Variants in LPP observed in about 807,000 individuals in gnomAD.
LPP encodes LIM domain containing preferred translocation partner in lipoma, also known as lipoma-preferred partner.
LPP carries 38 observed loss-of-function variants against 60.4 expected under a neutral mutation model. The observed-to-expected ratio is 0.63, with a 90% CI of 0.49 to 0.83. The LOEUF (loss-of-function observed/expected upper bound fraction) is 0.83. LPP is among the 40% of genes least tolerant of loss of function. The pLI is 0.00. For synonymous variants in LPP, 328 were observed against 290.8 expected (o/e 1.13, Z -1.30); for missense variants, 902 against 783.6 (o/e 1.15, Z -1.80).
In LPP at chr3:188,880,015, G is replaced by A. The variant is rs1222147213; in HGVS notation, c.*5536G>A. On this transcript the variant is annotated 3_prime_UTR_variant, in exon 12 of 12. Transcript: ENST00000617246. ...TTTTGTGGAGAGCTGTGTGAAAGAT[G>A]CGTTTTTTTTCTTTTTTTCTTTTTT... 1 of 173,898 alleles carries A rather than the reference G, an allele frequency of 5.8e-6. No homozygotes were observed. Among genetic ancestry groups the A allele is most frequent in the Non-Finnish European group, 1.2e-5 (1 of 81,706 alleles). 10.8% of individuals were successfully genotyped at this position (173,898 alleles called of 1,614,324 possible).
chr3:188,604,323 C>T (rs776765845), intron 6 of LPP, among the ~76,000 whole-genome samples: 8 of 152,058 alleles, frequency 5.3e-5, no homozygotes, highest in Non-Finnish European at 1.0e-4. Context: ...TGTTTTAGTA[C>T]ATGTTGTTAA....
chr3:188,493,084 CA>C (rs1808874902), intron 5 of LPP, among the ~76,000 whole-genome samples: 1 of 152,078 alleles, frequency 6.6e-6, no homozygotes, highest in South Asian at 2.1e-4. Context: ...CATAGTACTT[CA>C]TTAAGTAATT....
chr3:188,737,031 A>G (rs1722765662), intron 8 of LPP, among the ~76,000 whole-genome samples: 1 of 151,018 alleles, frequency 6.6e-6, no homozygotes, highest in South Asian at 2.1e-4. Flanking sequence ...AAATGGGTAG[A>G]ATTTCTTTTT....
chr3:188,813,127 A>G (rs1036169015), intron 9 of LPP, among the ~76,000 whole-genome samples: 3 of 152,202 alleles, frequency 2.0e-5, no homozygotes, highest in African/African-American at 7.2e-5. Context: ...TGCTAGACAG[A>G]CACATATAGA....
chr3:188,479,697 C>T (rs1045358844), intron 4 of LPP, among the ~76,000 whole-genome samples: 2 of 152,178 alleles, frequency 1.3e-5, no homozygotes, highest in Non-Finnish European at 2.9e-5. Context: ...TCAAGTATTA[C>T]AGATGCTCTG....
chr3:188,175,756 C>A (rs1439972013), intron 1 of LPP, among the ~76,000 whole-genome samples: 1 of 152,140 alleles, frequency 6.6e-6, no homozygotes, highest in South Asian at 2.1e-4. Flanking sequence ...ACTGACTTGC[C>A]TCAGGAGTAA....
At chr3:188,754,938 G>C (rs1729645357) in intron 8 of LPP, among the ~76,000 whole-genome samples, 1 of 152,178 alleles carries the variant, frequency 6.6e-6, no homozygotes, top group Non-Finnish European at 1.5e-5. Flanking sequence ...AATGGAAACT[G>C]TGCTTCAGGA....
intron 4 of LPP, among the ~76,000 whole-genome samples, chr3:188,432,320 A>ACCG (rs2149163374): frequency 6.6e-6 from 1 of 152,304 alleles, no homozygotes; most frequent in Admixed American, 6.5e-5. Context: ...GTACTGAGCT[A>ACCG]CCGATATCTA....
rs1246466130 is a variant in LPP, at chr3:188,676,124, T to TA, written c.1114-32135dup. 1.3e-3 allele frequency among the ~76,000 whole-genome samples: 192 copies of TA among 152,064 alleles called. 3 individuals are homozygous for TA. The highest frequency in any genetic ancestry group is 4.2e-3 in the African/African-American group (175 of 41,494). On this transcript the variant is annotated intron_variant, in intron 7 of 11. Coordinates refer to ENST00000617246, the MANE Select transcript of LPP (RefSeq NM_001375462.1). ...AATATTAGAAAAGTGAAAACGTTTT[T>TA]AAAAAAAATAGGTAGCAGTCACCAC...
At chr3:188,539,024 A>G (rs1824421649) in intron 6 of LPP, among the ~76,000 whole-genome samples, 1 of 152,184 alleles carries the variant, frequency 6.6e-6, no homozygotes, top group Admixed American at 6.5e-5. Context: ...AGGGGACAAT[A>G]CAGAGTGGCT....
At chr3:188,410,202 G>A (rs927072748) in intron 4 of LPP, among the ~76,000 whole-genome samples, 5 of 152,166 alleles carry the variant, frequency 3.3e-5, no homozygotes, top group African/African-American at 1.2e-4. Context: ...AATTGATAAA[G>A]CACAGTAATA....
Position 188,592,563 on chromosome 3 carries a change from T to TTTTTTTTTTTTTTTTGG in LPP, c.430-16598_430-16597insTTTTTTTTTTTTTTTGG. ...TGTTTTTAGTTTTGTTTTTGTTTTT[T>TTTTTTTTTTTTTTTTGG]AAATGGAGTCTCACTCTTTCTCCCA... On this transcript the variant is annotated intron_variant, in intron 6 of 11. Transcript: ENST00000617246. 3.1e-3 allele frequency among the ~76,000 whole-genome samples: 238 copies of TTTTTTTTTTTTTTTTGG among 77,102 alleles called. 37 individuals carry two copies. The highest frequency in any genetic ancestry group is 6.1e-3 in the East Asian group (15 of 2,472). The allele number at this position is 77,102 out of a possible 152,430, so 50.6% of individuals were successfully genotyped here. A position where few individuals can be genotyped will look rare whatever the true frequency, so the allele number is the denominator to read the frequency against.
chr3:188,563,016 C>G (rs573140795), intron 6 of LPP, among the ~76,000 whole-genome samples: 1 of 151,988 alleles, frequency 6.6e-6, no homozygotes, highest in South Asian at 2.1e-4. Context: ...ATTATCACAT[C>G]AAGTCTAGGA....
intron 6 of LPP, among the ~76,000 whole-genome samples, chr3:188,569,829 T>G (rs1234129208): frequency 3.3e-5 from 5 of 151,984 alleles, no homozygotes; most frequent in African/African-American, 2.4e-5. Flanking sequence ...TGGCAAAAAG[T>G]TTTTATTTTG....
chr3:188,563,301 G>A (rs564383014), intron 6 of LPP, among the ~76,000 whole-genome samples: 12 of 151,984 alleles, frequency 7.9e-5, no homozygotes, highest in African/African-American at 2.9e-4. Flanking sequence ...TCAGCAGTGA[G>A]AAGTATATGA....
At chr3:188,375,161 A>C (rs1257785396) in intron 3 of LPP, among the ~76,000 whole-genome samples, 1 of 152,154 alleles carries the variant, frequency 6.6e-6, no homozygotes, top group African/African-American at 2.4e-5. Flanking sequence ...TATTGGTCTA[A>C]AATTCTCTTT....
At chr3:188,494,757 C>T (rs1809435561) in intron 5 of LPP, among the ~76,000 whole-genome samples, 2 of 152,208 alleles carry the variant, frequency 1.3e-5, no homozygotes, top group Non-Finnish European at 1.5e-5. Flanking sequence ...CCTGGGTACA[C>T]ATCTGGCTTC....
intron 1 of LPP, among the ~76,000 whole-genome samples, chr3:188,188,859 A>C (rs1383692135): frequency 6.6e-6 from 1 of 152,164 alleles, no homozygotes; most frequent in Non-Finnish European, 1.5e-5. Flanking sequence ...TGCATCACAT[A>C]ATTACACAAA....
Position 188,714,299 on chromosome 3 carries a change from T to C in LPP, c.1240+5906T>C, listed in dbSNP as rs76562406. On this transcript the variant is annotated intron_variant, in intron 8 of 11. Coordinates refer to ENST00000617246, the MANE Select transcript of LPP (RefSeq NM_001375462.1). ...GAAGTTATGATCTTCAAGTGAGAGA[T>C]GGAGGGACTGCTTCTGCCCAAGATT... 4.1e-3 allele frequency among the ~76,000 whole-genome samples: 629 copies of C among 152,282 alleles called. 4 individuals carry two copies. The highest frequency in any genetic ancestry group is 0.014 in the African/African-American group (597 of 41,550).
Sources: allele counts gnomAD v4.1 joint callset (sites outside exome capture counted in the v4.1 genomes callset), GRCh38; gene constraint gnomAD v4.1.1; transcripts MANE v1.5; gene names NCBI Gene and HGNC (gene_info 2026-07-23, HGNC 2026-07-21).